MPP3: variants seen among roughly 807,000 people sequenced by gnomAD.
MPP3 encodes MAGUK p55 subfamily member 3.
Under a neutral mutation model 80.7 loss-of-function variants are expected in MPP3, and 48 were observed. The observed-to-expected ratio is 0.59, with a 90% CI of 0.47 to 0.76. MPP3 has a LOEUF of 0.76. Ranked by LOEUF, MPP3 falls within the 30% of genes least tolerant of loss-of-function variation. MPP3 has a pLI of 0.00. For synonymous variants in MPP3, 311 were observed against 297.6 expected (o/e 1.04, Z -0.46); for missense variants, 620 against 763.0 (o/e 0.81, Z 2.21).
At chr17:43,832,025 C>A in intron 2 of MPP3, 82 bp from the exon 3 acceptor site, 2 of 865,080 alleles carry the variant, frequency 2.3e-6, no homozygotes, top group Non-Finnish European at 3.8e-6. Flanking sequence ...CTACTGTGTT[C>A]TCTGAGACCA....
At chr17:43,816,601 C>T in intron 13 of MPP3, 76 bp downstream of exon 13, 1 of 1,365,964 alleles carries the variant, frequency 7.3e-7, no homozygotes, top group Non-Finnish European at 1.0e-6. Flanking sequence ...AGGGAAAGAA[C>T]ACGAGCCCCT....
At chr17:43,824,092 T>C in intron 9 of MPP3, 87 bp from the exon 10 acceptor site, 2 of 963,746 alleles carry the variant, frequency 2.1e-6, no homozygotes, top group East Asian at 2.7e-5. Flanking sequence ...TAAAAACTGA[T>C]GTTCAGAAAG....
chr17:43,803,237 C>T (rs896619570), intron 19 of MPP3, among the ~76,000 whole-genome samples: 4 of 152,120 alleles, frequency 2.6e-5, no homozygotes, highest in East Asian at 1.9e-4. Context: ...GGCACCCACA[C>T]GGTTCATCCT....
intron 19 of MPP3, 72 bp from the exon 20 acceptor site, chr17:43,801,949 A>G (rs1055600844): frequency 2.7e-5 from 41 of 1,495,290 alleles, no homozygotes; most frequent in Non-Finnish European, 3.7e-5. Flanking sequence ...CTTTGTCTTG[A>G]GCAATGTTCC....
chr17:43,819,334 T>G (rs547550038), intron 11 of MPP3, among the ~76,000 whole-genome samples: 1 of 152,140 alleles, frequency 6.6e-6, no homozygotes, highest in Non-Finnish European at 1.5e-5. Context: ...AAGAAATAAT[T>G]TGAAACATGA....
intron 14 of MPP3, 102 bp downstream of exon 14, chr17:43,815,936 A>G: frequency 9.2e-7 from 1 of 1,088,318 alleles, no homozygotes; most frequent in Non-Finnish European, 1.3e-6. Context: ...ACTGCTCCAG[A>G]AGGACTCCTG....
chr17:43,831,244 G>C lies in MPP3; in HGVS notation c.222C>G (p.Asp74Glu). 1 of 1,613,962 alleles carries C rather than the reference G, an allele frequency of 6.2e-7. No homozygotes were observed. Among genetic ancestry groups the C allele is most frequent in the Non-Finnish European group, 8.5e-7 (1 of 1,179,946 alleles). The change falls in exon 5 of 20, where the codon GAC becomes GAG. Residue 74 changes from aspartate (D) to glutamate (E), a missense_variant and splice_region_variant. Asp to Glu is a conservative substitution (Grantham distance 45, BLOSUM62 2). Transcript: ENST00000398389. Reference protein sequence around the residue: ...VLHSAVALAEDVMEELQAASV... With the variant: ...VLHSAVALAEEVMEELQAASV... The stretch of plus-strand genomic sequence containing the variant: ...CTGTAAGGAGAAACCTGGGGCTTAC[G>C]TCCTCAGCGAGGGCCACAGCGCTGT...
chr17:43,811,644 A>G (rs115972879), intron 16 of MPP3: 2,503 of 156,056 alleles, frequency 0.016, 74 homozygotes, highest in African/African-American at 0.056. Flanking sequence ...CCCAGGCTAC[A>G]GCGCAATGGC....
intron 5 of MPP3, among the ~76,000 whole-genome samples, chr17:43,830,490 C>A (rs2045913041): frequency 6.6e-6 from 1 of 152,186 alleles, no homozygotes; most frequent in East Asian, 1.9e-4. Flanking sequence ...GGATTTGAAC[C>A]TGGGCTTATC....
Position 43,823,874 on chromosome 17 carries a change from C to A in MPP3, c.684+57G>T, listed in dbSNP as rs1432901655. 5.5e-6 allele frequency: 7 copies of A among 1,266,906 alleles called. No individual in the cohort carries two copies. In the East Asian group the frequency reaches 1.5e-4, roughly 26 times the overall value. The allele number at this position is 1,266,906 out of a possible 1,614,324, so 78.5% of individuals were successfully genotyped here. A position where few individuals can be genotyped will look rare whatever the true frequency, so the allele number is the denominator to read the frequency against. On this transcript the variant is annotated intron_variant, in intron 10 of 19. Transcript: ENST00000398389. ...AGACTGGACTGGATCCAGCCCCCAGCCAGCGAGCTGCATCTCTCAAGCTGA... is the reference window on the plus strand; with the variant it reads ...AGACTGGACTGGATCCAGCCCCCAGACAGCGAGCTGCATCTCTCAAGCTGA...
At chr17:43,817,938 G>A in intron 12 of MPP3, 108 bp downstream of exon 12, 1 of 756,708 alleles carries the variant, frequency 1.3e-6, no homozygotes, top group Non-Finnish European at 2.1e-6. Flanking sequence ...GCTCAGACAA[G>A]ACCCCTGATG....
intron 3 of MPP3, 36 bp downstream of exon 3, chr17:43,831,846 G>A: frequency 6.3e-7 from 1 of 1,587,114 alleles, no homozygotes; most frequent in Non-Finnish European, 8.6e-7. Flanking sequence ...CTTGTCTTCA[G>A]GACTGTGGCA....
intron 19 of MPP3, among the ~76,000 whole-genome samples, chr17:43,802,999 G>A (rs1253963432): frequency 6.6e-6 from 1 of 152,212 alleles, no homozygotes; most frequent in Admixed American, 6.5e-5. Context: ...TGTAAGAGAA[G>A]GCTGAGATAA....
chr17:43,824,679 T>C (rs1332032653), intron 9 of MPP3, among the ~76,000 whole-genome samples: 1 of 152,126 alleles, frequency 6.6e-6, no homozygotes, highest in Non-Finnish European at 1.5e-5. Context: ...CACAAGAAGG[T>C]TGGCACCCAA....
chr17:43,820,824 C>T (rs773213960), intron 11 of MPP3, 38 bp downstream of exon 11: 2 of 1,603,720 alleles, frequency 1.2e-6, no homozygotes, highest in Non-Finnish European at 1.7e-6. Context: ...GCCTCTGCCA[C>T]TCTGGAACCA....
chr17:43,830,318 C>A (rs948316450), intron 5 of MPP3, among the ~76,000 whole-genome samples: 5 of 152,184 alleles, frequency 3.3e-5, no homozygotes, highest in Non-Finnish European at 7.4e-5. Flanking sequence ...CCGTTTTAAG[C>A]CCTACGTGCT....
chr17:43,823,942 T>C lies in MPP3; in HGVS notation c.673A>G (p.Lys225Glu). 6.2e-7 allele frequency: 1 copy of C among 1,611,252 alleles called. No homozygotes were observed. The highest frequency in any genetic ancestry group is 8.5e-7 in the Non-Finnish European group (1 of 1,178,882). The change falls in exon 10 of 20, where the codon AAG becomes GAG. Residue 225 changes from lysine to glutamate, a missense_variant. By Grantham distance (56) the Lys-to-Glu change is moderately conservative. Transcript: ENST00000398389. ...IPATQEEDRL[K>E]ESKVFMRALF... ...CCACCTCCCCATACCTTGCTCTCCT[T>C]TAAGCGATCTTCCTCCTGGGTGGCT...
chr17:43,810,406 T>C (rs548250499), intron 18 of MPP3, among the ~76,000 whole-genome samples: 15 of 152,270 alleles, frequency 9.9e-5, no homozygotes, highest in African/African-American at 3.6e-4. Flanking sequence ...TCTAAGCCAC[T>C]GACTCCACCT....
chr17:43,811,585 TTG>T, intron 16 of MPP3: 1 of 170,356 alleles, frequency 5.9e-6, no homozygotes, highest in Non-Finnish European at 1.2e-5. Context: ...TGTTTTTTTT[TTG>T]TTTGTTTTGT....
Sources: gnomAD v4.1 joint callset for allele counts (sites outside exome capture counted in the v4.1 genomes callset) on GRCh38, gnomAD v4.1.1 for gene constraint, MANE v1.5 for transcripts, NCBI Gene and HGNC (gene_info 2026-07-23, HGNC 2026-07-21) for gene names.